Variants in OTOP1 observed in about 807,000 individuals in gnomAD.
The protein encoded by OTOP1 is proton channel OTOP1.
In OTOP1, 59 loss-of-function variants were observed where a neutral mutation model predicts 52.9. That is an observed-to-expected ratio of 1.12 (90% CI 0.91 to 1.39). The LOEUF (loss-of-function observed/expected upper bound fraction) is 1.39. Among genes scored for constraint, OTOP1 ranks in the 40% most tolerant of loss-of-function variants. OTOP1 has a pLI of 0.00. For missense variants in OTOP1, 761 were observed against 800.9 expected (o/e 0.95, Z 0.60); for synonymous variants, 317 against 337.7 (o/e 0.94, Z 0.67).
chr4:4,220,704 A>G (rs1279958749), intron 1 of OTOP1, among the ~76,000 whole-genome samples: 2 of 152,218 alleles, frequency 1.3e-5, no homozygotes, highest in Admixed American at 1.3e-4. Flanking sequence ...AAGTTGATGC[A>G]TTAGAACCAA....
chr4:4,221,121 C>T (rs183871124), intron 1 of OTOP1, among the ~76,000 whole-genome samples: 2 of 148,574 alleles, frequency 1.3e-5, no homozygotes, highest in African/African-American at 5.0e-5. Context: ...ACTCTGTTGT[C>T]CAGGCTGGAG....
chr4:4,202,434 C>G lies in OTOP1; in HGVS notation c.730+14G>C. The G allele has an allele frequency of 6.2e-7, 1 of 1,612,778 alleles. No individual in the cohort carries two copies. The highest frequency in any genetic ancestry group is 8.5e-7 in the Non-Finnish European group (1 of 1,178,998). ...AACATGGCAGAAGGGCCACTCACCT[C>G]TCTCACCACTCACCTGTTGTTATGT... On this transcript the variant is annotated intron_variant, in intron 4 of 5. Transcript: ENST00000296358.
intron 5 of OTOP1, among the ~76,000 whole-genome samples, chr4:4,196,246 C>A (rs1441270158): frequency 1.3e-5 from 2 of 151,410 alleles, no homozygotes; most frequent in African/African-American, 4.9e-5. Flanking sequence ...CAGTGAGAAC[C>A]TATCTCTACA....
At chr4:4,205,928 C>T in intron 3 of OTOP1, 144 bp downstream of exon 3, 1 of 718,364 alleles carries the variant, frequency 1.4e-6, no homozygotes, top group South Asian at 1.6e-5. Context: ...CCTCTTCTCT[C>T]AGCCACAAGT....
chr4:4,195,315 A>G (rs1322925457), intron 5 of OTOP1, among the ~76,000 whole-genome samples: 4 of 152,194 alleles, frequency 2.6e-5, no homozygotes, highest in Non-Finnish European at 5.9e-5. Flanking sequence ...CCCTGCCTTG[A>G]TAACCTGGTG....
chr4:4,197,196 A>G lies in OTOP1; in HGVS notation c.1638T>C (p.Ile546=), dbSNP rs1192967516. 6.2e-7 allele frequency: 1 copy of G among 1,612,530 alleles called. No individual in the cohort carries two copies. Among genetic ancestry groups the G allele is most frequent in the Non-Finnish European group, 8.5e-7 (1 of 1,179,192 alleles). The part of the protein sequence containing the change: ...GNAKRKVLRN[I]AAFLFLCNIS... ...TATTGCAGAGGAACAAGAAGGCTGCAATATTCCTCAGGACTTTTCTCTTGG... is the reference window on the plus strand; with the variant it reads ...TATTGCAGAGGAACAAGAAGGCTGCGATATTCCTCAGGACTTTTCTCTTGG... The change falls in exon 5 of 6, where the codon ATT becomes ATC. Residue 546 remains isoleucine, a synonymous_variant. Coordinates refer to ENST00000296358, the MANE Select transcript of OTOP1 (RefSeq NM_177998.3).
rs746564651 is a variant in OTOP1 at position 4,212,961 on chromosome 4, G to T, written c.447C>A (p.Cys149Ter). Reference protein sequence around the residue: ...LFAVITVILGCLKIGYFIGFS... With the variant: ...LFAVITVILG Reference sequence around the variant, plus strand: ...ATCCAATGAAGTATCCAATTTTAAGGCATCCCAGGATGACGGTAATGACTG... The same window carrying T: ...ATCCAATGAAGTATCCAATTTTAAGTCATCCCAGGATGACGGTAATGACTG... Residue 149 changes from cysteine to a stop codon, truncating the protein, a stop_gained, in exon 2 of 6, where the codon TGC (cysteine) becomes TGA (stop). Transcript: ENST00000296358. LOFTEE classifies it high-confidence loss of function. 8 of 1,614,030 alleles carry T rather than the reference G, an allele frequency of 5.0e-6. No individual in the cohort carries two copies. Among genetic ancestry groups the T allele is most frequent in the Non-Finnish European group, 6.8e-6 (8 of 1,179,906 alleles).
chr4:4,191,124 T>C (rs1169914592), intron 5 of OTOP1, among the ~76,000 whole-genome samples: 1 of 152,150 alleles, frequency 6.6e-6, no homozygotes. Context: ...AGGTGGTCCA[T>C]CGAGGCTCCA....
chr4:4,200,506 C>T (rs372317709), intron 4 of OTOP1, among the ~76,000 whole-genome samples: 2 of 149,308 alleles, frequency 1.3e-5, no homozygotes, highest in East Asian at 2.0e-4. Context: ...AAAACTATAT[C>T]GTAGCATTAA....
At chr4:4,204,529 G>A (rs754799656) in intron 3 of OTOP1, among the ~76,000 whole-genome samples, 10 of 152,002 alleles carry the variant, frequency 6.6e-5, no homozygotes, top group African/African-American at 1.9e-4. Context: ...GTTCTGCCAC[G>A]CAAGCTCCCT....
intron 3 of OTOP1, among the ~76,000 whole-genome samples, 170 bp from the exon 4 acceptor site, chr4:4,202,748 T>C (rs1716818465): frequency 1.3e-5 from 2 of 152,214 alleles, no homozygotes; most frequent in Admixed American, 1.3e-4. Flanking sequence ...GTGGGGCAGA[T>C]CCATAGAACC....
chr4:4,214,324 G>A (rs544295893), intron 1 of OTOP1, among the ~76,000 whole-genome samples: 1 of 152,218 alleles, frequency 6.6e-6, no homozygotes, highest in East Asian at 1.9e-4. Context: ...GCATTGGTGA[G>A]GATATAGAGA....
intron 1 of OTOP1, among the ~76,000 whole-genome samples, chr4:4,225,254 C>A (rs1172289353): frequency 6.6e-6 from 1 of 152,178 alleles, no homozygotes; most frequent in African/African-American, 2.4e-5. Flanking sequence ...TTCACCTGCA[C>A]CATGTCTGTC....
At chr4:4,217,451 C>T (rs1717177599) in intron 1 of OTOP1, among the ~76,000 whole-genome samples, 1 of 152,268 alleles carries the variant, frequency 6.6e-6, no homozygotes, top group African/African-American at 2.4e-5. Context: ...ATGTCGCCCG[C>T]GTGTCAGGGC....
At chr4:4,214,050 A>T (rs1717083493) in intron 1 of OTOP1, among the ~76,000 whole-genome samples, 1 of 152,230 alleles carries the variant, frequency 6.6e-6, no homozygotes, top group African/African-American at 2.4e-5. Context: ...AGATCATGCC[A>T]TTGCACTCCA....
chr4:4,222,250 T>G (rs1012782841), intron 1 of OTOP1, among the ~76,000 whole-genome samples: 7 of 151,966 alleles, frequency 4.6e-5, no homozygotes, highest in Non-Finnish European at 1.0e-4. Flanking sequence ...TATGAGACCA[T>G]ACAACCTGGG....
At chr4:4,226,412 A>T (rs1717433572) in intron 1 of OTOP1, 50 bp downstream of exon 1, 4 of 1,381,090 alleles carry the variant, frequency 2.9e-6, no homozygotes, top group Non-Finnish European at 3.7e-6. Context: ...CTCAGGATGC[A>T]GCCAGCGGGC....
chr4:4,205,941 G>C, intron 3 of OTOP1, 131 bp downstream of exon 3: 1 of 776,084 alleles, frequency 1.3e-6, no homozygotes, highest in Admixed American at 2.6e-5. Flanking sequence ...CCACAAGTGA[G>C]AGCTTAGCTT....
At chr4:4,226,144 G>A (rs776263935) in intron 1 of OTOP1, among the ~76,000 whole-genome samples, 11 of 152,224 alleles carry the variant, frequency 7.2e-5, no homozygotes, top group African/African-American at 2.4e-4. Flanking sequence ...GTCAGGAGAG[G>A]GAGCGTGGCC....
Sources: allele counts gnomAD v4.1 joint callset (sites outside exome capture counted in the v4.1 genomes callset), GRCh38; gene constraint gnomAD v4.1.1; transcripts MANE v1.5; gene names NCBI Gene and HGNC (gene_info 2026-07-23, HGNC 2026-07-21).